Variants in MALT1 observed in about 807,000 individuals in gnomAD.
MALT1 encodes the protein mucosa-associated lymphoid tissue lymphoma translocation protein 1.
MALT1 carries 36 observed loss-of-function variants against 85.5 expected under a neutral mutation model. The ratio of observed to expected loss-of-function variants is 0.42; its 90% CI spans 0.32 to 0.56. MALT1 has a LOEUF of 0.56. MALT1 is among the 20% of genes least tolerant of loss of function. MALT1 has a pLI of 0.10. For missense variants in MALT1, 716 were observed against 981.6 expected, an observed-to-expected ratio of 0.73 and a Z score of 3.62; for synonymous variants, 359 against 361.3, an observed-to-expected ratio of 0.99 and a Z score of 0.07.
chr18:58,687,358 G>A (rs1052339663), intron 2 of MALT1, among the ~76,000 whole-genome samples: 2 of 152,190 alleles, frequency 1.3e-5, no homozygotes, highest in Non-Finnish European at 2.9e-5. Context: ...GGGATGTGAT[G>A]TGGGAAACTA....
At chr18:58,675,279 G>A (rs2054223565) in intron 1 of MALT1, 1 of 152,242 alleles carries the variant, frequency 6.6e-6, no homozygotes. Context: ...AAATGGGGCT[G>A]TGGAACCTGG....
chr18:58,696,518 C>A, intron 3 of MALT1, 31 bp downstream of exon 3: 2 of 1,471,888 alleles, frequency 1.4e-6, no homozygotes, highest in Admixed American at 2.1e-5. Context: ...TTTAATTCTT[C>A]CAAGGAGAGA....
In MALT1 at chr18:58,752,073, C is replaced by T. The variant is rs564990252; in HGVS notation, c.*4231C>T. On this transcript the variant is annotated 3_prime_UTR_variant, in exon 17 of 17. Coordinates refer to ENST00000649217, the MANE Select transcript of MALT1 (RefSeq NM_006785.4). ...ACAGTGAGGTGTCCTGTGCAGCAGTCGCAATTTTTTGACTTGTCAAATTGA... is the reference window on the plus strand; with the variant it reads ...ACAGTGAGGTGTCCTGTGCAGCAGTTGCAATTTTTTGACTTGTCAAATTGA... The T allele has an allele frequency of 7.2e-5, 11 of 152,294 alleles. No individual in the cohort carries two copies. The highest frequency in any genetic ancestry group is 4.6e-4 in the Admixed American group (7 of 15,290). The allele number at this position is 152,294 out of a possible 1,614,324, so 9.4% of individuals were successfully genotyped here.
chr18:58,699,597 T>C (rs181743498), intron 3 of MALT1, among the ~76,000 whole-genome samples: 1 of 152,238 alleles, frequency 6.6e-6, no homozygotes, highest in African/African-American at 2.4e-5. Context: ...CATTGTATAC[T>C]TAAAAGTTCA....
chr18:58,674,700 G>A (rs567138035), intron 1 of MALT1, among the ~76,000 whole-genome samples: 2 of 152,140 alleles, frequency 1.3e-5, no homozygotes, highest in Non-Finnish European at 2.9e-5. Context: ...ATACTAGAAG[G>A]TCCTAAAGGT....
At chr18:58,730,472 A>T (rs1190392695) in intron 10 of MALT1, among the ~76,000 whole-genome samples, 1 of 152,220 alleles carries the variant, frequency 6.6e-6, no homozygotes, top group African/African-American at 2.4e-5. Flanking sequence ...ATATTGTAGC[A>T]TGTACTAGAA....
intron 2 of MALT1, among the ~76,000 whole-genome samples, chr18:58,692,445 C>T (rs62094984): frequency 0.027 from 769 of 28,206 alleles, 40 homozygotes; most frequent in East Asian, 0.099. Flanking sequence ...TCACTCTCTC[C>T]CTCCCTCCCT....
chr18:58,674,194 A>G (rs2144292821), intron 1 of MALT1: 1 of 152,332 alleles, frequency 6.6e-6, no homozygotes. Context: ...CTGGAATCCA[A>G]AAGCAGCGGA....
chr18:58,735,350 A>G (rs2055209236), intron 13 of MALT1, 21 bp downstream of exon 13: 2 of 1,583,788 alleles, frequency 1.3e-6, no homozygotes, highest in Non-Finnish European at 8.5e-7. Context: ...AAATAAAGAG[A>G]AAAGTACTCA....
At chr18:58,727,616 G>GTTGTTTTTTTTT (rs2055077320) in intron 10 of MALT1, among the ~76,000 whole-genome samples, 1 of 121,264 alleles carries the variant, frequency 8.2e-6, no homozygotes, top group African/African-American at 3.3e-5. Flanking sequence ...GGTTTTTTGT[G>GTTGTTTTTTTTT]TTTTTTTTTT....
intron 13 of MALT1, among the ~76,000 whole-genome samples, chr18:58,740,208 T>TACTTGTACTTACTTTCCTTTTTTA (rs2055283024): frequency 6.6e-6 from 1 of 152,224 alleles, no homozygotes; most frequent in African/African-American, 2.4e-5. Context: ...TCATCAGTAT[T>TACTTGTACTTACTTTCCTTTTTTA]ACTTGTACTT....
intron 3 of MALT1, chr18:58,697,261 T>C (rs2054603950): frequency 6.6e-6 from 1 of 152,256 alleles, no homozygotes; most frequent in Non-Finnish European, 1.5e-5. Flanking sequence ...CCTTTGCAAA[T>C]CTGAAACTAA....
At chr18:58,724,914 G>A (rs901011460) in intron 10 of MALT1, among the ~76,000 whole-genome samples, 1 of 152,028 alleles carries the variant, frequency 6.6e-6, no homozygotes, top group Admixed American at 6.5e-5. Flanking sequence ...GGAGGCCAAG[G>A]CAGGCAGATC....
intron 10 of MALT1, among the ~76,000 whole-genome samples, chr18:58,723,630 T>C (rs1435649717): frequency 6.6e-6 from 1 of 152,150 alleles, no homozygotes; most frequent in East Asian, 1.9e-4. Flanking sequence ...GCATAAAAGG[T>C]TCTAGTAGAA....
intron 13 of MALT1, among the ~76,000 whole-genome samples, chr18:58,739,793 C>T (rs1372043999): frequency 3.9e-5 from 5 of 128,544 alleles, no homozygotes; most frequent in Non-Finnish European, 1.6e-5. Flanking sequence ...CTCACTGTCC[C>T]TCTATGTACA....
intron 9 of MALT1, among the ~76,000 whole-genome samples, chr18:58,717,328 A>C (rs1230477934): frequency 2.0e-5 from 3 of 151,588 alleles, no homozygotes; most frequent in Non-Finnish European, 4.4e-5. Context: ...GTGCCATTGC[A>C]CTTCAGCTGG....
chr18:58,692,865 G>A (rs1343215620), intron 2 of MALT1, among the ~76,000 whole-genome samples: 1 of 152,202 alleles, frequency 6.6e-6, no homozygotes, highest in African/African-American at 2.4e-5. Context: ...AAGCAAAACA[G>A]CCTTATTGCT....
chr18:58,731,801 T>C (rs1012334427), intron 10 of MALT1, among the ~76,000 whole-genome samples: 3 of 151,688 alleles, frequency 2.0e-5, no homozygotes, highest in African/African-American at 7.3e-5. Context: ...TGTATGGAGA[T>C]ACATGAATCT....
chr18:58,728,675 T>C (rs1168637541), intron 10 of MALT1, among the ~76,000 whole-genome samples: 12 of 152,186 alleles, frequency 7.9e-5, no homozygotes. Context: ...AGTACTTAAT[T>C]CCCCTCAATA....
Sources: gnomAD v4.1 joint callset for allele counts (sites outside exome capture counted in the v4.1 genomes callset) on GRCh38, gnomAD v4.1.1 for gene constraint, MANE v1.5 for transcripts, NCBI Gene and HGNC (gene_info 2026-07-23, HGNC 2026-07-21) for gene names.